MARCHF1: variants seen among roughly 807,000 people sequenced by gnomAD.
MARCHF1 encodes the protein E3 ubiquitin-protein ligase MARCHF1.
Under a neutral mutation model 54.2 loss-of-function variants are expected in MARCHF1, and 40 were observed. That is an observed-to-expected ratio of 0.74 (90% CI 0.57 to 0.96). The LOEUF is 0.96. Ranked by LOEUF, MARCHF1 falls within the 40% of genes least tolerant of loss-of-function variation. MARCHF1 has a pLI of 0.00. For missense variants in MARCHF1, 586 were observed against 656.5 expected, an observed-to-expected ratio of 0.89 and a Z score of 1.17; for synonymous variants, 236 against 236.3, an observed-to-expected ratio of 1.00 and a Z score of 0.01.
In MARCHF1 at chr4:164,015,922, C is replaced by T. The variant is rs528393464; in HGVS notation, c.-247-27213G>A. ...CCCCAAAAAAAAAAAAAACTAAAAA[C>T]AGAACTACCATGTGATCCAACAATC... On this transcript the variant is annotated intron_variant, in intron 2 of 9. Coordinates refer to ENST00000514618, the MANE Select transcript of MARCHF1 (RefSeq NM_001394959.1). Among the ~76,000 whole-genome samples, 404 of 147,200 alleles carry T rather than the reference C, an allele frequency of 2.7e-3. 2 individuals carry two copies. The highest frequency in any genetic ancestry group is 4.9e-3 in the Non-Finnish European group (327 of 66,372).
chr4:163,652,921 T>C (rs1158117916), intron 5 of MARCHF1, among the ~76,000 whole-genome samples: 3 of 151,888 alleles, frequency 2.0e-5, no homozygotes, highest in Non-Finnish European at 1.5e-5. Context: ...GAATTGAAGA[T>C]ATAACAGTAA....
At chr4:163,653,517 C>T (rs72991577) in intron 5 of MARCHF1, among the ~76,000 whole-genome samples, 1,544 of 151,690 alleles carry the variant, frequency 0.01, 24 homozygotes, top group African/African-American at 0.033. Context: ...GTAACTGTAG[C>T]ATGAGATATA....
intron 3 of MARCHF1, among the ~76,000 whole-genome samples, chr4:163,930,979 A>C (rs917261921): frequency 1.3e-5 from 2 of 152,164 alleles, no homozygotes; most frequent in East Asian, 1.9e-4. Flanking sequence ...ATGTGACACT[A>C]TCTAGAGATG....
intron 1 of MARCHF1, chr4:164,189,670 A>G (rs1731071358): frequency 1.6e-5 from 15 of 944,736 alleles, no homozygotes; most frequent in Non-Finnish European, 2.5e-5. Flanking sequence ...GGGAGGTGTC[A>G]TGATCAAACT....
At chr4:164,165,897 G>A (rs1263768247) in intron 1 of MARCHF1, among the ~76,000 whole-genome samples, 2 of 151,976 alleles carry the variant, frequency 1.3e-5, no homozygotes, top group Non-Finnish European at 2.9e-5. Flanking sequence ...GAGTAATTGT[G>A]GACAGTGGAG....
At chr4:164,215,581 T>C (rs953326678) in intron 1 of MARCHF1, among the ~76,000 whole-genome samples, 1 of 152,136 alleles carries the variant, frequency 6.6e-6, no homozygotes, top group African/African-American at 2.4e-5. Context: ...CTCCCTTCCA[T>C]ATCATTTAAA....
intron 3 of MARCHF1, among the ~76,000 whole-genome samples, chr4:163,891,664 C>A (rs1192762982): frequency 6.6e-6 from 1 of 152,114 alleles, no homozygotes; most frequent in Non-Finnish European, 1.5e-5. Context: ...GTATCTCTTT[C>A]CCCCTGAATT....
intron 2 of MARCHF1, among the ~76,000 whole-genome samples, chr4:163,990,029 T>C (rs1276161721): frequency 6.6e-6 from 1 of 152,204 alleles, no homozygotes; most frequent in East Asian, 1.9e-4. Flanking sequence ...CATTATGACA[T>C]TACAATTTGT....
chr4:163,812,845 A>G (rs1748430848), intron 4 of MARCHF1, among the ~76,000 whole-genome samples: 1 of 152,190 alleles, frequency 6.6e-6, no homozygotes, highest in African/African-American at 2.4e-5. Flanking sequence ...TTTGTTTGTT[A>G]TTTGATTTTA....
At chr4:164,301,846 A>C (rs933379498) in intron 1 of MARCHF1, among the ~76,000 whole-genome samples, 4 of 152,208 alleles carry the variant, frequency 2.6e-5, no homozygotes, top group Admixed American at 6.5e-5. Context: ...ACTTTGACAG[A>C]GGAATTAAAG....
At chr4:164,049,441 CT>C (rs34724622) in intron 2 of MARCHF1, among the ~76,000 whole-genome samples, 10,335 of 148,068 alleles carry the variant, frequency 0.07, 482 homozygotes, top group Non-Finnish European at 0.11. Context: ...ATACTATAAT[CT>C]TTTTTTTTTT....
intron 4 of MARCHF1, among the ~76,000 whole-genome samples, chr4:163,762,163 T>C (rs898669494): frequency 6.6e-6 from 1 of 152,160 alleles, no homozygotes; most frequent in African/African-American, 2.4e-5. Context: ...TTCCTTAAAT[T>C]GTATTTCTGA....
At chr4:163,727,122 T>C in intron 4 of MARCHF1, among the ~76,000 whole-genome samples, 1 of 152,190 alleles carries the variant, frequency 6.6e-6, no homozygotes, top group Non-Finnish European at 1.5e-5. Context: ...TTTGGTATTG[T>C]ATCTAGAAAG....
chr4:163,998,335 C>G (rs1753120050), intron 2 of MARCHF1, among the ~76,000 whole-genome samples: 2 of 151,202 alleles, frequency 1.3e-5, no homozygotes, highest in Non-Finnish European at 3.0e-5. Flanking sequence ...TTTCAATACT[C>G]TAAAGCAGTA....
intron 5 of MARCHF1, among the ~76,000 whole-genome samples, chr4:163,638,865 G>A (rs1175898381): frequency 6.6e-6 from 1 of 152,112 alleles, no homozygotes; most frequent in Non-Finnish European, 1.5e-5. Context: ...TCTTAGAATA[G>A]AAATCTTGTT....
chr4:163,775,056 T>C (rs1293810332), intron 4 of MARCHF1, among the ~76,000 whole-genome samples: 3 of 152,148 alleles, frequency 2.0e-5, no homozygotes, highest in Non-Finnish European at 4.4e-5. Context: ...CACTCTTTCA[T>C]TCAAGGTAAG....
At chr4:164,277,450 C>G (rs536464875) in intron 1 of MARCHF1, among the ~76,000 whole-genome samples, 5 of 152,352 alleles carry the variant, frequency 3.3e-5, no homozygotes, top group African/African-American at 1.2e-4. Flanking sequence ...CTTTTCAACT[C>G]CTCTCCTACT....
At chr4:163,789,551 A>G (rs1374439883) in intron 4 of MARCHF1, among the ~76,000 whole-genome samples, 1 of 151,948 alleles carries the variant, frequency 6.6e-6, no homozygotes, top group South Asian at 2.1e-4. Flanking sequence ...TTCACATTTA[A>G]TGTATATTAG....
intron 8 of MARCHF1, among the ~76,000 whole-genome samples, chr4:163,566,730 C>T (rs1221133275): frequency 6.6e-6 from 1 of 152,044 alleles, no homozygotes; most frequent in Non-Finnish European, 1.5e-5. Flanking sequence ...GCTAGAAGTA[C>T]CTTTAGAAGT....
Sources: gnomAD v4.1 joint callset for allele counts (sites outside exome capture counted in the v4.1 genomes callset) on GRCh38, gnomAD v4.1.1 for gene constraint, MANE v1.5 for transcripts, NCBI Gene and HGNC (gene_info 2026-07-23, HGNC 2026-07-21) for gene names.